The following ILKAP variants were observed in gnomAD, a reference collection of about 807,000 sequenced individuals.
ILKAP encodes ILK associated serine/threonine phosphatase, also known as integrin-linked kinase-associated serine/threonine phosphatase 2C.
ILKAP carries 11 observed loss-of-function variants against 49.1 expected under a neutral mutation model. The ratio of observed to expected loss-of-function variants is 0.22; its 90% confidence interval spans 0.14 to 0.37. ILKAP has a LOEUF of 0.37. Among genes scored for constraint, ILKAP ranks in the 10% least tolerant of loss-of-function variants. The pLI is 1.00. For missense variants in ILKAP, 363 were observed against 510.8 expected (o/e 0.71, Z 2.79); for synonymous variants, 186 against 192.8 (o/e 0.96, Z 0.29).
At chr2:238,189,786 C>G in intron 4 of ILKAP, 67 bp downstream of exon 4, 1 of 1,447,300 alleles carries the variant, frequency 6.9e-7, no homozygotes, top group Non-Finnish European at 9.5e-7. Flanking sequence ...AAAGCTGAAA[C>G]TGGTTTTGCT....
At position 238,203,693 on chromosome 2, in the gene ILKAP, A is replaced by C. The variant is rs948430551; in HGVS notation, c.-140T>G. On this transcript the variant is annotated 5_prime_UTR_variant, in exon 1 of 12. Coordinates refer to ENST00000254654, the MANE Select transcript of ILKAP (RefSeq NM_030768.3). The stretch of plus-strand genomic sequence containing the variant: ...GGCGCCGTCAGTCACCTGCAGGGAG[A>C]GTCCCGGACGCCACCAATCGGCGCG... 3.2e-6 allele frequency: 1 copy of C among 307,918 alleles called. No homozygotes were observed. The highest frequency in any genetic ancestry group is 2.3e-5 in the African/African-American group (1 of 44,070). The allele number at this position is 307,918 out of a possible 1,614,324, so 19.1% of individuals were successfully genotyped here.
Position 238,198,177 on chromosome 2 carries a change from T to TA in ILKAP, c.56-3308dup, listed in dbSNP as rs36067766. Among the ~76,000 whole-genome samples the TA allele has an allele frequency of 2.3e-3, 349 of 151,084 alleles. 1 individual carries two copies. The highest frequency in any genetic ancestry group is 7.9e-3 in the African/African-American group (327 of 41,244). On this transcript the variant is annotated intron_variant, in intron 1 of 11. Transcript: ENST00000254654. The stretch of plus-strand genomic sequence containing the variant: ...CTTAGAAGTCTGTATGTGGATTCTT[T>TA]AAAAAAAAATCTATAGGTCATAGAT...
chr2:238,203,512 C>T lies in ILKAP; in HGVS notation c.42G>A (p.Pro14=). The change falls in exon 1 of 12, where the codon CCG becomes CCA. Residue 14 remains proline (P), a synonymous_variant. Transcript: ENST00000254654. Reference sequence around the variant, plus strand: ...AACGCCGCTTACCGGCAGCCGGGCGCGGCGAGCGCTCGGGCTCCGGCAGGT... The same window carrying T: ...AACGCCGCTTACCGGCAGCCGGGCGTGGCGAGCGCTCGGGCTCCGGCAGGT... ...FGDLPEPERS[P]RPAAGKEAQK... 8.0e-7 allele frequency: 1 copy of T among 1,251,190 alleles called. No individual in the cohort carries two copies. The allele number at this position is 1,251,190 out of a possible 1,614,324, so 77.5% of individuals were successfully genotyped here. A position where few individuals can be genotyped will look rare whatever the true frequency, so the allele number is the denominator to read the frequency against.
intron 5 of ILKAP, chr2:238,186,727 T>C (rs1693922526): frequency 6.7e-6 from 1 of 150,224 alleles, no homozygotes; most frequent in African/African-American, 2.4e-5. Flanking sequence ...AAAACAAAAA[T>C]GCCCACGAGA....
In ILKAP at chr2:238,189,762, G is replaced by C. The variant is rs1194284560; in HGVS notation, c.298+91C>G. ...TATTTCTTAAATACAGACATAAAAA[G>C]AAAGTATTATTAGAAAGCTGAAACT... On this transcript the variant is annotated intron_variant, in intron 4 of 11. Coordinates refer to ENST00000254654, the MANE Select transcript of ILKAP (RefSeq NM_030768.3). 4.9e-6 allele frequency: 6 copies of C among 1,217,132 alleles called. No individual in the cohort carries two copies. In the East Asian group the frequency reaches 1.2e-4, roughly 24 times the overall value. The allele number at this position is 1,217,132 out of a possible 1,614,324, so 75.4% of individuals were successfully genotyped here. A position where few individuals can be genotyped will look rare whatever the true frequency, so the allele number is the denominator to read the frequency against.
chr2:238,183,560 C>T, intron 8 of ILKAP, 93 bp downstream of exon 8: 6 of 889,416 alleles, frequency 6.7e-6, no homozygotes, highest in Non-Finnish European at 1.1e-5. Flanking sequence ...CAACCAGACA[C>T]CATCACTTTA....
At chr2:238,170,862 A>G in intron 11 of ILKAP, 81 bp downstream of exon 11, 1 of 1,457,484 alleles carries the variant, frequency 6.9e-7, no homozygotes, top group Non-Finnish European at 9.6e-7. Flanking sequence ...CAATGGGAGG[A>G]AATGGGGTCT....
Position 238,170,576 on chromosome 2 carries a change from G to A in ILKAP, c.1139C>T (p.Ala380Val), listed in dbSNP as rs1258863025. The part of the protein sequence containing the change: ...LANKAVQRGS[A>V]DNVTVMVVRI... ...CACCACCATCACAGTGACGTTGTCG[G>A]CCGAGCCCCGCTGCACCGCCTTGTT... The change falls in exon 12 of 12, where the codon GCC becomes GTC. Residue 380 changes from alanine (A) to valine (V), a missense_variant. Around this residue, in one of 3 missense-constraint regions of ILKAP, gnomAD observed 83 missense variants for 87.5 expected, o/e 0.95. Transcript: ENST00000254654. 1 of 1,607,292 alleles carries A rather than the reference G, an allele frequency of 6.2e-7. No homozygotes were observed. The highest frequency in any genetic ancestry group is 2.2e-5 in the East Asian group (1 of 44,648).
At chr2:238,183,517 G>T in intron 8 of ILKAP, 136 bp downstream of exon 8, 1 of 658,494 alleles carries the variant, frequency 1.5e-6, no homozygotes, top group Non-Finnish European at 2.6e-6. Context: ...AACTGCAGCA[G>T]AACACTCTGC....
intron 9 of ILKAP, among the ~76,000 whole-genome samples, chr2:238,176,324 G>C (rs1440420719): frequency 2.0e-5 from 3 of 151,964 alleles, no homozygotes; most frequent in Non-Finnish European, 4.4e-5. Flanking sequence ...GTAGAGATGG[G>C]GTTTCACCAT....
At chr2:238,180,920 A>G (rs1391269540) in intron 9 of ILKAP, among the ~76,000 whole-genome samples, 1 of 152,260 alleles carries the variant, frequency 6.6e-6, no homozygotes, top group Non-Finnish European at 1.5e-5. Context: ...TTAGAGTCAC[A>G]TTCTCAGGCA....
chr2:238,177,882 G>A (rs1486166786), intron 9 of ILKAP, among the ~76,000 whole-genome samples: 8 of 152,110 alleles, frequency 5.3e-5, no homozygotes, highest in African/African-American at 1.9e-4. Flanking sequence ...TTTAATGTCT[G>A]AGGAACTGCC....
At chr2:238,188,321 C>T (rs771209602) in intron 4 of ILKAP, 64 bp from the exon 5 acceptor site, 4 of 1,568,726 alleles carry the variant, frequency 2.5e-6, no homozygotes, top group Non-Finnish European at 3.5e-6. Flanking sequence ...AACCCTAGTC[C>T]CAGAGCAAAT....
chr2:238,183,764 A>G, intron 7 of ILKAP, 24 bp from the exon 8 acceptor site: 1 of 1,561,466 alleles, frequency 6.4e-7, no homozygotes, highest in African/African-American at 1.4e-5. Flanking sequence ...CATCAGAAAC[A>G]CAGTCACCAC....
rs188127644 is a variant in ILKAP, at chr2:238,187,926, C to T, written c.425+205G>A. Among the ~76,000 whole-genome samples the T allele has an allele frequency of 1.2e-4, 18 of 152,304 alleles. 1 individual carries two copies. In the East Asian group the frequency reaches 3.5e-3, roughly 29 times the overall value. ...CCCACCAGATGCCAGTAACAACTCC[C>T]TCCCGCAGTTGTGACAAAAATGTAC... On this transcript the variant is annotated intron_variant, in intron 5 of 11. Coordinates refer to ENST00000254654, the MANE Select transcript of ILKAP (RefSeq NM_030768.3).
chr2:238,175,158 C>T lies in ILKAP; in HGVS notation c.837-1505G>A, dbSNP rs374272411. ...TAAGAGACAGGGTCTCCCTCTGTTG[C>T]CCAGGCTGGAGGGCAGTGGTGCAAT... On this transcript the variant is annotated intron_variant, in intron 9 of 11. Coordinates refer to ENST00000254654, the MANE Select transcript of ILKAP (RefSeq NM_030768.3). 7.9e-5 allele frequency among the ~76,000 whole-genome samples: 12 copies of T among 152,000 alleles called. No homozygotes were observed. The East Asian group carries it at 2.3e-3, about 29-fold the overall frequency.
At chr2:238,194,782 C>G in intron 2 of ILKAP, 23 bp downstream of exon 2, 2 of 1,612,030 alleles carry the variant, frequency 1.2e-6, no homozygotes, top group Non-Finnish European at 1.7e-6. Flanking sequence ...TGACACACAC[C>G]TGGGAGAGCC....
chr2:238,197,412 A>C (rs897223675), intron 1 of ILKAP, among the ~76,000 whole-genome samples: 9 of 152,140 alleles, frequency 5.9e-5, no homozygotes, highest in African/African-American at 2.2e-4. Context: ...AGGACAAGGG[A>C]GGGGACATTT....
chr2:238,197,570 T>C (rs1694397157), intron 1 of ILKAP, among the ~76,000 whole-genome samples: 1 of 152,194 alleles, frequency 6.6e-6, no homozygotes, highest in South Asian at 2.1e-4. Context: ...AGGTAATAAA[T>C]ATATTTTCAG....
Sources: allele counts gnomAD v4.1 joint callset (sites outside exome capture counted in the v4.1 genomes callset), GRCh38; gene constraint gnomAD v4.1.1; regional missense constraint gnomAD v4.1.1; transcripts MANE v1.5; gene names NCBI Gene and HGNC (gene_info 2026-07-23, HGNC 2026-07-21).